ERICH1: variants seen among roughly 807,000 people sequenced by gnomAD.
ERICH1 encodes the protein glutamate-rich protein 1.
A neutral mutation model predicts 39.6 loss-of-function variants in ERICH1; 56 were observed. That is an observed-to-expected ratio of 1.41 (90% CI 1.14 to 1.77). The LOEUF (loss-of-function observed/expected upper bound fraction) is 1.77. Among genes scored for constraint, ERICH1 ranks in the 40% most tolerant of loss-of-function variants. The pLI is 0.00. For missense variants in ERICH1, 826 were observed against 575.4 expected, an observed-to-expected ratio of 1.44 and a Z score of -4.45; for synonymous variants, 313 against 223.6, an observed-to-expected ratio of 1.40 and a Z score of -3.57.
chr8:642,675 C>T (rs892465707), intron 3 of ERICH1, among the ~76,000 whole-genome samples: 2 of 152,004 alleles, frequency 1.3e-5, no homozygotes, highest in African/African-American at 2.4e-5. Context: ...CCCACTGGCA[C>T]GTCTGTTATG....
rs1396687966 is a variant in ERICH1, at chr8:633,179, G to C, written c.977-17895C>G. On this transcript the variant is annotated intron_variant, in intron 3 of 3. Transcript: ENST00000522706. ...GTGGAGCCCGCGTGGGGCCGCCCAG[G>C]ACAGACGGAGGCTGTGCACACCCTA... 3.3e-5 allele frequency among the ~76,000 whole-genome samples: 5 copies of C among 151,850 alleles called. No individual in the cohort carries two copies. In the South Asian group the frequency reaches 6.2e-4, roughly 19 times the overall value.
At chr8:676,470 C>G (rs1804809033) in intron 3 of ERICH1, among the ~76,000 whole-genome samples, 1 of 95,432 alleles carries the variant, frequency 1.0e-5, no homozygotes, top group Non-Finnish European at 2.2e-5. Context: ...CGCGGCGGCC[C>G]CTCGGCGAGG....
intron 3 of ERICH1, among the ~76,000 whole-genome samples, chr8:653,497 G>A (rs534355603): frequency 6.6e-6 from 1 of 152,258 alleles, no homozygotes; most frequent in East Asian, 1.9e-4. Context: ...CCTCACTGCC[G>A]AGTTTTATAT....
intron 3 of ERICH1, among the ~76,000 whole-genome samples, chr8:674,986 G>A (rs369453493): frequency 1.3e-5 from 2 of 152,242 alleles, no homozygotes; most frequent in Non-Finnish European, 2.9e-5. Flanking sequence ...CGGAACAGAA[G>A]AGGTAGCACA....
At chr8:669,688 A>G (rs1802853505) in intron 4 of ERICH1, among the ~76,000 whole-genome samples, 1 of 152,270 alleles carries the variant, frequency 6.6e-6, no homozygotes, top group Non-Finnish European at 1.5e-5. Context: ...TAAACCAGAC[A>G]ATGAAAGCAA....
At chr8:726,821 T>C (rs1818835263) in intron 1 of ERICH1, among the ~76,000 whole-genome samples, 2 of 149,234 alleles carry the variant, frequency 1.3e-5, no homozygotes, top group South Asian at 2.1e-4. Context: ...ACACCACACA[T>C]GCACAGACAC....
intron 1 of ERICH1, among the ~76,000 whole-genome samples, chr8:724,714 A>G (rs1235128246): frequency 6.6e-6 from 1 of 152,204 alleles, no homozygotes; most frequent in East Asian, 1.9e-4. Context: ...TTCATTAAAC[A>G]TTGGCTTTTT....
At chr8:656,724 C>T (rs987751166) in intron 3 of ERICH1, 26 of 983,724 alleles carry the variant, frequency 2.6e-5, no homozygotes, top group Non-Finnish European at 3.0e-5. Context: ...TGCTGCAGGT[C>T]TGGGAAGAAC....
At chr8:694,357 A>G (rs1250692699) in intron 2 of ERICH1, among the ~76,000 whole-genome samples, 5 of 152,208 alleles carry the variant, frequency 3.3e-5, no homozygotes, top group African/African-American at 7.2e-5. Flanking sequence ...ATCATTTTTC[A>G]CAGAATATTT....
intron 3 of ERICH1, chr8:656,716 C>A: frequency 1.0e-6 from 1 of 979,674 alleles, no homozygotes; most frequent in Non-Finnish European, 1.2e-6. Flanking sequence ...GTCTTTCCTG[C>A]TGCAGGTCTG....
chr8:625,602 T>C (rs552687598), intron 3 of ERICH1: 22 of 152,342 alleles, frequency 1.4e-4, no homozygotes, highest in African/African-American at 5.3e-4. Flanking sequence ...TTACACACTT[T>C]AAATAAGTGA....
intron 2 of ERICH1, among the ~76,000 whole-genome samples, chr8:713,342 T>A (rs1319362462): frequency 6.6e-6 from 1 of 152,206 alleles, no homozygotes; most frequent in Non-Finnish European, 1.5e-5. Context: ...ATGGCAAAAG[T>A]ATGTGCAAAA....
downstream of ERICH1, chr8:664,190 A>G (rs1297752919): frequency 1.0e-6 from 1 of 966,706 alleles, no homozygotes; most frequent in African/African-American, 1.8e-5. Flanking sequence ...AAACTCAACT[A>G]TATTCAAACT....
chr8:678,637 G>C (rs535384281), intron 3 of ERICH1, among the ~76,000 whole-genome samples: 89 of 152,220 alleles, frequency 5.8e-4, no homozygotes, highest in African/African-American at 2.1e-3. Flanking sequence ...GTGAAACCCA[G>C]TCTCTACTAA....
intron 3 of ERICH1, among the ~76,000 whole-genome samples, chr8:649,423 C>CGGGGCTTGCTT (rs943289529): frequency 2.0e-5 from 3 of 152,108 alleles, no homozygotes; most frequent in Non-Finnish European, 4.4e-5. Context: ...CGGCTAAGAG[C>CGGGGCTTGCTT]GGGGCTTGCT....
chr8:683,559 C>G (rs1806629595), intron 3 of ERICH1, among the ~76,000 whole-genome samples: 1 of 152,198 alleles, frequency 6.6e-6, no homozygotes, highest in African/African-American at 2.4e-5. Context: ...CCAAAGACAA[C>G]AAGGGAGGCA....
chr8:692,517 C>T lies in ERICH1; in HGVS notation c.265G>A (p.Gly89Arg), dbSNP rs756470228. 6 of 1,613,926 alleles carry T rather than the reference C, an allele frequency of 3.7e-6. No homozygotes were observed. Among genetic ancestry groups the T allele is most frequent in the Admixed American group, 3.3e-5 (2 of 59,968 alleles). The stretch of plus-strand genomic sequence containing the variant: ...CCGCTGGAGGCGTTCTCGGGGCTCC[C>T]ACAGCTGCTGGGCTCCGGCCAACAG... ...VPCWPEPSSC[G>R]SPENASSGDD... Residue 89 changes from glycine to arginine, a missense_variant, in exon 3 of 6, where the codon GGG (glycine) becomes AGG (arginine). Transcript: ENST00000262109.
chr8:700,881 A>G (rs1811957952), intron 2 of ERICH1, among the ~76,000 whole-genome samples: 1 of 152,278 alleles, frequency 6.6e-6, no homozygotes, highest in Non-Finnish European at 1.5e-5. Flanking sequence ...TAACAATGCC[A>G]GATAAAACAC....
chr8:624,808 G>A (rs1797506045), intron 3 of ERICH1, among the ~76,000 whole-genome samples: 1 of 151,974 alleles, frequency 6.6e-6, no homozygotes, highest in Non-Finnish European at 1.5e-5. Flanking sequence ...CTCACTGCAA[G>A]CTCTGCCTCC....
Sources: allele counts gnomAD v4.1 joint callset (sites outside exome capture counted in the v4.1 genomes callset), GRCh38; gene constraint gnomAD v4.1.1; transcripts MANE v1.5; gene names NCBI Gene and HGNC (gene_info 2026-07-23, HGNC 2026-07-21).